MDM1: variants seen among roughly 807,000 people sequenced by gnomAD.
MDM1 encodes stabilizer of axonemal microtubules 6.
Under a neutral mutation model 89.1 loss-of-function variants are expected in MDM1, and 61 were observed. That is an observed-to-expected ratio of 0.68 (90% CI 0.56 to 0.85). MDM1 has a LOEUF of 0.85. Among genes scored for constraint, MDM1 ranks in the 40% least tolerant of loss-of-function variants. MDM1 has a pLI of 0.00. For synonymous variants in MDM1, 290 were observed against 294.1 expected, an observed-to-expected ratio of 0.99 and a Z score of 0.14; for missense variants, 820 against 846.5, an observed-to-expected ratio of 0.97 and a Z score of 0.39.
intron 12 of MDM1, 115 bp from the exon 13 acceptor site, chr12:68,302,987 A>ACACCG: frequency 3.5e-6 from 3 of 867,500 alleles, no homozygotes; most frequent in Non-Finnish European, 3.3e-6. Context: ...GAAATATGAG[A>ACACCG]GAATTTATGC....
chr12:68,310,879 C>T (rs933419266), intron 12 of MDM1, among the ~76,000 whole-genome samples: 6 of 152,200 alleles, frequency 3.9e-5, no homozygotes, highest in Non-Finnish European at 5.9e-5. Flanking sequence ...ACCACTTACA[C>T]CCATGATGTT....
At chr12:68,320,037 G>C (rs1875007784) in intron 7 of MDM1, among the ~76,000 whole-genome samples, 1 of 152,184 alleles carries the variant, frequency 6.6e-6, no homozygotes, top group Admixed American at 6.5e-5. Context: ...TCAAAACAAA[G>C]AGTTTCTCAT....
intron 4 of MDM1, chr12:68,323,492 T>C (rs1039404731): frequency 9.9e-6 from 3 of 304,354 alleles, no homozygotes; most frequent in East Asian, 7.3e-5. Flanking sequence ...CATATTTTCA[T>C]ATGACATAGA....
chr12:68,301,578 C>A (rs1209916898), intron 13 of MDM1, among the ~76,000 whole-genome samples: 1 of 151,934 alleles, frequency 6.6e-6, no homozygotes, highest in Non-Finnish European at 1.5e-5. Flanking sequence ...ACTACCTGTA[C>A]CCCAAAAGCT....
At chr12:68,330,870 G>A (rs1405263740) in intron 2 of MDM1, 1 of 491,600 alleles carries the variant, frequency 2.0e-6, no homozygotes, top group Non-Finnish European at 3.6e-6. Context: ...AGTTGTGATG[G>A]AGGCCTCCAT....
At chr12:68,328,812 C>T (rs1308696220) in intron 2 of MDM1, among the ~76,000 whole-genome samples, 7 of 152,114 alleles carry the variant, frequency 4.6e-5, no homozygotes, top group African/African-American at 1.4e-4. Context: ...CAGCCATCCT[C>T]GGTAACACTG....
Position 68,331,094 on chromosome 12 carries a change from C to G in MDM1, c.133+13G>C. 1 of 1,468,336 alleles carries G rather than the reference C, an allele frequency of 6.8e-7. No homozygotes were observed. The highest frequency in any genetic ancestry group is 1.1e-5 in the South Asian group (1 of 88,102). 91.0% of individuals were successfully genotyped at this position (1,468,336 alleles called of 1,614,324 possible). ...AGCCCAGGTTAGAATGGCTATTAGC[C>G]TGCTCAACTTACCTAATTGATCTGA... On this transcript the variant is annotated intron_variant, in intron 2 of 14. Transcript: ENST00000682720.
At chr12:68,305,301 C>T (rs1164669382) in intron 12 of MDM1, among the ~76,000 whole-genome samples, 2 of 152,156 alleles carry the variant, frequency 1.3e-5, no homozygotes, top group African/African-American at 2.4e-5. Context: ...GACAAACCCA[C>T]AGCCAATATC....
At chr12:68,296,552 T>C (rs1738473664) in intron 14 of MDM1, among the ~76,000 whole-genome samples, 1 of 152,234 alleles carries the variant, frequency 6.6e-6, no homozygotes, top group Non-Finnish European at 1.5e-5. Flanking sequence ...TCTCTAATCA[T>C]GTATTTGTTT....
rs1446799009 is a variant in MDM1, at chr12:68,316,250, T to A, written c.1039A>T (p.Lys347Ter). Residue 347 changes from lysine (K) to a stop codon, truncating the protein, a stop_gained, in exon 9 of 15, where the codon AAA becomes TAA. Coordinates refer to ENST00000682720, the MANE Select transcript of MDM1 (RefSeq NM_001354969.2). LOFTEE classifies it high-confidence loss of function. ...AACTCAGCCTTTTCTCGGAGTTCTTTAACCTATTCAGGAGAGTTCAGACAT... is the reference window on the plus strand; with the variant it reads ...AACTCAGCCTTTTCTCGGAGTTCTTAAACCTATTCAGGAGAGTTCAGACAT... ...SLNAMWYAEV[K>*]ELREKAEFYR... 6.2e-7 allele frequency: 1 copy of A among 1,612,794 alleles called. No homozygotes were observed. Among genetic ancestry groups the A allele is most frequent in the African/African-American group, 1.3e-5 (1 of 74,862 alleles).
At chr12:68,313,813 AATACTTT>A in intron 10 of MDM1, 60 bp from the exon 11 acceptor site, 1 of 1,376,850 alleles carries the variant, frequency 7.3e-7, no homozygotes. Flanking sequence ...TATGATAAAA[AATACTTT>A]GCCATCATTG....
intron 2 of MDM1, 60 bp downstream of exon 2, chr12:68,331,047 G>A (rs1355658750): frequency 9.3e-6 from 9 of 965,242 alleles, no homozygotes; most frequent in Non-Finnish European, 1.5e-5. Context: ...AGTTATAACG[G>A]CTTGGCCCAA....
chr12:68,306,219 G>GA (rs1555196645), intron 12 of MDM1, among the ~76,000 whole-genome samples: 1 of 151,986 alleles, frequency 6.6e-6, no homozygotes, highest in Non-Finnish European at 1.5e-5. Context: ...GCCATATGTA[G>GA]AAGAATGAAA....
At chr12:68,303,965 C>T (rs1872554781) in intron 12 of MDM1, among the ~76,000 whole-genome samples, 2 of 152,200 alleles carry the variant, frequency 1.3e-5, no homozygotes, top group African/African-American at 4.8e-5. Flanking sequence ...TAGCTGGACA[C>T]ACTGGCTCAT....
intron 3 of MDM1, 140 bp from the exon 4 acceptor site, chr12:68,325,715 T>C (rs760619540): frequency 9.0e-6 from 12 of 1,326,946 alleles, no homozygotes; most frequent in Non-Finnish European, 1.2e-5. Flanking sequence ...GTTAACTACA[T>C]GCGCATTGTG....
chr12:68,313,367 C>T (rs890908196), intron 12 of MDM1, 76 bp downstream of exon 12: 55 of 1,021,642 alleles, frequency 5.4e-5, no homozygotes, highest in Non-Finnish European at 8.1e-5. Flanking sequence ...AAAATCTTAA[C>T]CCATCATTCA....
chr12:68,313,949 T>C (rs1012689875), intron 10 of MDM1, among the ~76,000 whole-genome samples, 196 bp from the exon 11 acceptor site: 2 of 152,034 alleles, frequency 1.3e-5, no homozygotes, highest in African/African-American at 2.4e-5. Flanking sequence ...CTGGCCAACA[T>C]GGTGAAACCC....
chr12:68,302,985 A>ACACACCC, intron 12 of MDM1, 113 bp from the exon 13 acceptor site: 6 of 966,776 alleles, frequency 6.2e-6, no homozygotes, highest in Non-Finnish European at 8.7e-6. Flanking sequence ...GAGAAATATG[A>ACACACCC]GAGAATTTAT....
At position 68,302,820 on chromosome 12, in the gene MDM1, G is replaced by GGTT; in HGVS notation, c.1801_1802insAAC (p.Thr601delinsLysPro). ...TTCCCGCAAAGGCAGAGGATCAACT[G>GGTT]TTTTTATACCAGCAGCTGGAGAAGT... is the stretch of plus-strand genomic sequence containing the variant. On this transcript the variant is annotated protein_altering_variant, in exon 13 of 15. Coordinates refer to ENST00000682720, the MANE Select transcript of MDM1 (RefSeq NM_001354969.2). The GGTT allele has an allele frequency of 6.7e-7, 1 of 1,483,234 alleles. No homozygotes were observed. The highest frequency in any genetic ancestry group is 9.1e-7 in the Non-Finnish European group (1 of 1,104,128). The allele number at this position is 1,483,234 out of a possible 1,614,324, so 91.9% of individuals were successfully genotyped here. A position where few individuals can be genotyped will look rare whatever the true frequency, so the allele number is the denominator to read the frequency against.
Sources: gnomAD v4.1 joint callset for allele counts (sites outside exome capture counted in the v4.1 genomes callset) on GRCh38, gnomAD v4.1.1 for gene constraint, MANE v1.5 for transcripts, NCBI Gene and HGNC (gene_info 2026-07-23, HGNC 2026-07-21) for gene names.